Variants in CAMTA1 observed in about 807,000 individuals in gnomAD.
CAMTA1 encodes calmodulin binding transcription activator 1, also known as calmodulin-binding transcription activator 1.
A neutral mutation model predicts 170.9 loss-of-function variants in CAMTA1; 27 were observed. The observed-to-expected ratio is 0.16, with a 90% CI of 0.12 to 0.22. CAMTA1 has a LOEUF of 0.22. Ranked by LOEUF, CAMTA1 falls within the 10% of genes least tolerant of loss-of-function variation. The probability of loss-of-function intolerance (pLI) is 1.00; values close to 1 mark genes in which losing one functional copy is unlikely to be tolerated. For synonymous variants in CAMTA1, 833 were observed against 891.5 expected (o/e 0.93, Z 1.17); for missense variants, 1,619 against 2,217.2 (o/e 0.73, Z 5.42).
intron 6 of CAMTA1, among the ~76,000 whole-genome samples, chr1:7,548,868 G>A (rs369936609): frequency 3.4e-5 from 4 of 116,792 alleles, no homozygotes; most frequent in African/African-American, 1.1e-4. Context: ...GGGTGGAGGT[G>A]CTGGTGGAGG....
intron 3 of CAMTA1, among the ~76,000 whole-genome samples, chr1:6,898,081 A>G (rs965149541): frequency 4.6e-5 from 7 of 152,238 alleles, no homozygotes; most frequent in Admixed American, 1.3e-4. Flanking sequence ...GCTAACCTGC[A>G]GTTTCTTATT....
chr1:7,408,226 G>A (rs956153667), intron 5 of CAMTA1, among the ~76,000 whole-genome samples: 2 of 152,242 alleles, frequency 1.3e-5, no homozygotes, highest in African/African-American at 4.8e-5. Flanking sequence ...CCTGGCGATG[G>A]CGGGGCAGAC....
intron 11 of CAMTA1, chr1:7,693,242 G>A (rs558059606): frequency 3.3e-5 from 5 of 152,438 alleles, no homozygotes; most frequent in African/African-American, 1.2e-4. Flanking sequence ...AGCAGGCAAA[G>A]GGAGAAAGAG....
chr1:7,366,321 C>T (rs191670465), intron 5 of CAMTA1, among the ~76,000 whole-genome samples: 30 of 152,268 alleles, frequency 2.0e-4, no homozygotes, highest in East Asian at 1.4e-3. Flanking sequence ...CTTGCCTGGC[C>T]GCACTGAGCT....
At chr1:7,497,633 T>C (rs997735818) in intron 6 of CAMTA1, among the ~76,000 whole-genome samples, 1 of 152,216 alleles carries the variant, frequency 6.6e-6, no homozygotes, top group African/African-American at 2.4e-5. Flanking sequence ...TCTTGTACTC[T>C]CATGAATGCT....
chr1:7,059,150 C>A (rs1487227706), intron 3 of CAMTA1, among the ~76,000 whole-genome samples: 4 of 152,198 alleles, frequency 2.6e-5, no homozygotes, highest in Admixed American at 2.6e-4. Flanking sequence ...GCTGCTGCTC[C>A]TCTCATTCCC....
At chr1:7,024,734 C>T (rs61780948) in intron 3 of CAMTA1, among the ~76,000 whole-genome samples, 8,844 of 152,220 alleles carry the variant, frequency 0.058, 397 homozygotes, top group African/African-American at 0.11. Context: ...AAAATGTGAT[C>T]TTTGCAGGGT....
rs935227787 is a variant in CAMTA1 at position 7,636,069 on chromosome 1, C to T, written c.511-4331C>T. ...TGAGCCTCCACTTGGTCTCCTGGAA[C>T]TGCCAGGGGCTGGGACACTCTGCTA... On this transcript the variant is annotated intron_variant, in intron 6 of 22. Transcript: ENST00000303635. 2.6e-5 allele frequency among the ~76,000 whole-genome samples: 4 copies of T among 152,320 alleles called. No homozygotes were observed. In the East Asian group the frequency reaches 7.7e-4, roughly 29 times the overall value.
intron 3 of CAMTA1, among the ~76,000 whole-genome samples, chr1:6,991,738 G>T (rs1420406685): frequency 2.0e-5 from 3 of 152,116 alleles, no homozygotes; most frequent in Non-Finnish European, 2.9e-5. Context: ...TTGCTCTGTT[G>T]CCCAGGGTGG....
chr1:7,538,681 T>C (rs1345318701), intron 6 of CAMTA1, among the ~76,000 whole-genome samples: 1 of 152,070 alleles, frequency 6.6e-6, no homozygotes, highest in African/African-American at 2.4e-5. Context: ...GAACAAACTA[T>C]ATAGACCTCA....
intron 10 of CAMTA1, among the ~76,000 whole-genome samples, chr1:7,671,246 C>T (rs1173703637): frequency 2.6e-5 from 4 of 152,184 alleles, no homozygotes; most frequent in African/African-American, 4.8e-5. Context: ...GACACAGGCA[C>T]GCTTGACTGG....
intron 1 of CAMTA1, among the ~76,000 whole-genome samples, chr1:6,803,833 G>C (rs1433562619): frequency 1.3e-5 from 2 of 152,126 alleles, no homozygotes; most frequent in Non-Finnish European, 1.5e-5. Context: ...TCCTGCCTCA[G>C]ACTCCCAAGT....
intron 6 of CAMTA1, among the ~76,000 whole-genome samples, chr1:7,593,997 G>C (rs555330915): frequency 8.1e-4 from 117 of 143,668 alleles, no homozygotes; most frequent in African/African-American, 2.6e-3. Context: ...AGCCAAGATC[G>C]TACCACTACA....
intron 3 of CAMTA1, among the ~76,000 whole-genome samples, chr1:6,907,012 C>T (rs1045637666): frequency 1.3e-5 from 2 of 152,132 alleles, no homozygotes; most frequent in African/African-American, 4.8e-5. Flanking sequence ...TGTTCTCTCG[C>T]AGGAAGTCTC....
chr1:6,816,169 A>G (rs766550674), intron 1 of CAMTA1, among the ~76,000 whole-genome samples: 19 of 152,242 alleles, frequency 1.2e-4, no homozygotes, highest in Non-Finnish European at 2.4e-4. Flanking sequence ...AGGTTTCTTC[A>G]TGCTCTAATC....
intron 3 of CAMTA1, among the ~76,000 whole-genome samples, chr1:6,941,560 G>A (rs1349796722): frequency 6.6e-6 from 1 of 152,210 alleles, no homozygotes; most frequent in Non-Finnish European, 1.5e-5. Flanking sequence ...ATCAGGGAGG[G>A]TGGGGCTCCA....
At chr1:7,196,811 T>G (rs1655609655) in intron 4 of CAMTA1, among the ~76,000 whole-genome samples, 1 of 152,208 alleles carries the variant, frequency 6.6e-6, no homozygotes, top group Non-Finnish European at 1.5e-5. Flanking sequence ...TGACCAGGAA[T>G]TATTCACCAG....
intron 6 of CAMTA1, among the ~76,000 whole-genome samples, chr1:7,560,170 G>C (rs1450274875): frequency 6.6e-6 from 1 of 152,206 alleles, no homozygotes; most frequent in African/African-American, 2.4e-5. Context: ...GGTCCCGAAG[G>C]GGGAATGAGG....
chr1:7,222,914 G>A (rs1004849958), intron 4 of CAMTA1, among the ~76,000 whole-genome samples: 2 of 152,244 alleles, frequency 1.3e-5, no homozygotes, highest in African/African-American at 4.8e-5. Context: ...TGAGGATCCG[G>A]GGTGATGCTC....
Sources: allele counts gnomAD v4.1 joint callset (sites outside exome capture counted in the v4.1 genomes callset), GRCh38; gene constraint gnomAD v4.1.1; transcripts MANE v1.5; gene names NCBI Gene and HGNC (gene_info 2026-07-23, HGNC 2026-07-21).